Variants in AGAP1 observed in about 807,000 individuals in gnomAD.
The protein encoded by AGAP1 is arf-GAP with GTPase, ANK repeat and PH domain-containing protein 1.
A neutral mutation model predicts 105.3 loss-of-function variants in AGAP1; 29 were observed. That is an observed-to-expected ratio of 0.28 (90% CI 0.21 to 0.38). The LOEUF (loss-of-function observed/expected upper bound fraction) is 0.38, where lower values mean the gene tolerates loss of function less well. AGAP1 is among the 10% of genes least tolerant of loss of function. The pLI, the probability that AGAP1 is intolerant of heterozygous loss-of-function variation, is 1.00. For synonymous variants in AGAP1, 509 were observed against 485.9 expected (o/e 1.05, Z -0.63); for missense variants, 998 against 1,165.1 (o/e 0.86, Z 2.09).
At chr2:235,626,505 A>G (rs955589809) in intron 1 of AGAP1, among the ~76,000 whole-genome samples, 3 of 152,124 alleles carry the variant, frequency 2.0e-5, no homozygotes, top group East Asian at 1.9e-4. Flanking sequence ...TTAAAAGTAC[A>G]TATGTCTATA....
At chr2:235,683,034 G>A (rs1027004018) in intron 1 of AGAP1, among the ~76,000 whole-genome samples, 1 of 152,070 alleles carries the variant, frequency 6.6e-6, no homozygotes, top group African/African-American at 2.4e-5. Context: ...GGGCCGGTGC[G>A]GTGGCTTAAT....
chr2:235,709,601 CA>C (rs1351388531), intron 2 of AGAP1, among the ~76,000 whole-genome samples: 1 of 152,062 alleles, frequency 6.6e-6, no homozygotes, highest in East Asian at 1.9e-4. Flanking sequence ...CACACACACA[CA>C]CCCCCATGGA....
rs1369228039 is a variant in AGAP1 at position 235,690,230 on chromosome 2, A to G, written c.164-18949A>G. Among the ~76,000 whole-genome samples the G allele has an allele frequency of 1.3e-5, 2 of 152,008 alleles. No homozygotes were observed. The highest frequency in any genetic ancestry group is 2.9e-5 in the Non-Finnish European group (2 of 68,016). ...TACCACTCAGAGAACTTTAGTACAC[A>G]GTCTTAAACAACCCTGGAATGTTGA... is the stretch of plus-strand genomic sequence containing the variant. On this transcript the variant is annotated intron_variant, in intron 1 of 17. Coordinates refer to ENST00000304032, the MANE Select transcript of AGAP1 (RefSeq NM_001037131.3). The surrounding 1 kb of genome is among the most constrained non-coding windows in gnomAD (Gnocchi z 4.1).
In AGAP1 at chr2:236,124,131, C is replaced by T. The variant is rs1174238812; in HGVS notation, c.*9C>T. 11 of 1,611,266 alleles carry T rather than the reference C, an allele frequency of 6.8e-6. No homozygotes were observed. Among genetic ancestry groups the T allele is most frequent in the African/African-American group, 5.3e-5 (4 of 74,882 alleles). Reference sequence around the variant, plus strand: ...TGCCCACCATCATCTGAGGAACAGCCGTGCCCGCCTGCTCGCCGCACCTGG... The same window carrying T: ...TGCCCACCATCATCTGAGGAACAGCTGTGCCCGCCTGCTCGCCGCACCTGG... On this transcript the variant is annotated 3_prime_UTR_variant, in exon 18 of 18. Transcript: ENST00000304032. This position sits in a 1 kb window ranked among gnomAD's most constrained non-coding sequence, Gnocchi z 5.1.
intron 10 of AGAP1, among the ~76,000 whole-genome samples, chr2:235,899,710 AG>A (rs1410482873): frequency 6.6e-6 from 1 of 152,178 alleles, no homozygotes; most frequent in Non-Finnish European, 1.5e-5. Flanking sequence ...AGGACAGCAA[AG>A]GAATTGTGTT....
rs1953594304 is a variant in AGAP1 at position 235,753,090 on chromosome 2, T to G, written c.673+2602T>G. Among the ~76,000 whole-genome samples the G allele has an allele frequency of 6.6e-6, 1 of 152,184 alleles. No homozygotes were observed. Among genetic ancestry groups the G allele is most frequent in the African/African-American group, 2.4e-5 (1 of 41,452 alleles). ...GTCACCTGGCAGAGGCCCCACCTCT[T>G]ATTCCCCTGGGGGTCAGGATTTCAG... is the stretch of plus-strand genomic sequence containing the variant. On this transcript the variant is annotated intron_variant, in intron 6 of 17. Coordinates refer to ENST00000304032, the MANE Select transcript of AGAP1 (RefSeq NM_001037131.3). The surrounding 1 kb of genome is among the most constrained non-coding windows in gnomAD (Gnocchi z 4.5).
At chr2:235,890,639 T>G (rs1559613075) in intron 10 of AGAP1, among the ~76,000 whole-genome samples, 1 of 152,208 alleles carries the variant, frequency 6.6e-6, no homozygotes, top group Non-Finnish European at 1.5e-5. Flanking sequence ...AGCTTTCAGA[T>G]CACACAGAGG....
At chr2:235,645,656 G>A (rs1947357507) in intron 1 of AGAP1, among the ~76,000 whole-genome samples, 1 of 152,118 alleles carries the variant, frequency 6.6e-6, no homozygotes, top group African/African-American at 2.4e-5. Flanking sequence ...CCTTCCATGG[G>A]TCAGCACGCA....
chr2:236,056,792 A>C lies in AGAP1; in HGVS notation c.2114+7511A>C, dbSNP rs142970595. Among the ~76,000 whole-genome samples, 2 of 152,142 alleles carry C rather than the reference A, an allele frequency of 1.3e-5. No homozygotes were observed. Among genetic ancestry groups the C allele is most frequent in the Admixed American group, 6.5e-5 (1 of 15,272 alleles). On this transcript the variant is annotated intron_variant, in intron 16 of 17. Transcript: ENST00000304032. The surrounding 1 kb of genome is among the most constrained non-coding windows in gnomAD (Gnocchi z 4.6). ...TTATCCCCATTCCCAGACGTGTGCC[A>C]GGGTCACATGGGAGCGCAGGTCAGA... is the stretch of plus-strand genomic sequence containing the variant.
intron 1 of AGAP1, among the ~76,000 whole-genome samples, chr2:235,595,428 C>T (rs1945494453): frequency 6.6e-6 from 1 of 152,194 alleles, no homozygotes; most frequent in South Asian, 2.1e-4. Flanking sequence ...TCAGCTTACT[C>T]TCACTCCTGG....
intron 1 of AGAP1, among the ~76,000 whole-genome samples, chr2:235,528,280 G>T (rs1325003718): frequency 6.6e-6 from 1 of 151,864 alleles, no homozygotes; most frequent in Non-Finnish European, 1.5e-5. Context: ...GCCATGCCAG[G>T]CTGCTGGAGC....
chr2:235,553,993 T>A lies in AGAP1; in HGVS notation c.163+59144T>A, dbSNP rs527744569. Among the ~76,000 whole-genome samples the A allele has an allele frequency of 5.9e-5, 9 of 152,352 alleles. No individual in the cohort carries two copies. The South Asian group carries it at 1.9e-3, about 32-fold the overall frequency. On this transcript the variant is annotated intron_variant, in intron 1 of 17. Coordinates refer to ENST00000304032, the MANE Select transcript of AGAP1 (RefSeq NM_001037131.3). This position sits in a 1 kb window ranked among gnomAD's most constrained non-coding sequence, Gnocchi z 4.5. ...CCTTACTGGGTGGACAAAGGTTTTC[T>A]GTGTGACTCACCTCTGGCCAGAAAT...
At chr2:236,122,384 G>A (rs1410241349) in intron 17 of AGAP1, among the ~76,000 whole-genome samples, 2 of 152,056 alleles carry the variant, frequency 1.3e-5, no homozygotes, top group African/African-American at 4.8e-5. Context: ...GTGAATTGTT[G>A]GTGGGAGCGG....
rs545909352 is a variant in AGAP1, at chr2:235,923,737, C to T, written c.1325-7028C>T. Among the ~76,000 whole-genome samples, 7 of 152,290 alleles carry T rather than the reference C, an allele frequency of 4.6e-5. No homozygotes were observed. In the South Asian group the frequency reaches 1.5e-3, roughly 32 times the overall value. ...GCCGTGATGTACCTACAGTGATGGACAGTGCCGTCATTCCCAGCGTGGGGC... is the reference window on the plus strand; with the variant it reads ...GCCGTGATGTACCTACAGTGATGGATAGTGCCGTCATTCCCAGCGTGGGGC... On this transcript the variant is annotated intron_variant, in intron 11 of 17. Coordinates refer to ENST00000304032, the MANE Select transcript of AGAP1 (RefSeq NM_001037131.3).
intron 16 of AGAP1, among the ~76,000 whole-genome samples, chr2:236,111,354 ACAAAAAAAAAAATTATGCAGG>A (rs909070889): frequency 2.0e-5 from 3 of 150,358 alleles, no homozygotes; most frequent in African/African-American, 7.5e-5. Flanking sequence ...CCCTATCTCT[ACAAAAAAAAAAATTATGCAGG>A]CATGGTGGCA....
chr2:236,071,373 C>A (rs1004095614), intron 16 of AGAP1, among the ~76,000 whole-genome samples: 1 of 152,002 alleles, frequency 6.6e-6, no homozygotes, highest in Non-Finnish European at 1.5e-5. Context: ...CCAGCCACTC[C>A]TGGAAGGATT....
intron 1 of AGAP1, among the ~76,000 whole-genome samples, chr2:235,671,845 C>T (rs1948450022): frequency 6.6e-6 from 1 of 152,188 alleles, no homozygotes; most frequent in South Asian, 2.1e-4. Context: ...TTATTCTCTG[C>T]AGGAATCAGT....
rs190454846 is a variant in AGAP1 at position 235,879,891 on chromosome 2, A to T, written c.1051-3454A>T. On this transcript the variant is annotated intron_variant, in intron 9 of 17. Transcript: ENST00000304032. This position sits in a 1 kb window ranked among gnomAD's most constrained non-coding sequence, Gnocchi z 5.0. ...CAAGGTTGCAGTGAGCTGTAATTGC[A>T]TCAGTACACTGCACTCCAACCTGGG... Among the ~76,000 whole-genome samples the T allele has an allele frequency of 2.0e-3, 306 of 152,284 alleles. No individual in the cohort carries two copies. The highest frequency in any genetic ancestry group is 3.7e-3 in the Non-Finnish European group (249 of 68,032).
Position 235,994,817 on chromosome 2 carries a change from A to G in AGAP1, c.1645+26194A>G, listed in dbSNP as rs941351957. On this transcript the variant is annotated intron_variant, in intron 13 of 17. Coordinates refer to ENST00000304032, the MANE Select transcript of AGAP1 (RefSeq NM_001037131.3). This position sits in a 1 kb window ranked among gnomAD's most constrained non-coding sequence, Gnocchi z 4.4. ...CCCAATGGCTCACACCTGTAATCCT[A>G]GCACTTTGGGAGGCCGAGGCGGGCG... is the stretch of plus-strand genomic sequence containing the variant. 6.6e-6 allele frequency among the ~76,000 whole-genome samples: 1 copy of G among 151,452 alleles called. No individual in the cohort carries two copies. Among genetic ancestry groups the G allele is most frequent in the Non-Finnish European group, 1.5e-5 (1 of 67,848 alleles).
Sources: gnomAD v4.1 joint callset for allele counts (sites outside exome capture counted in the v4.1 genomes callset) on GRCh38, gnomAD v4.1.1 for gene constraint, Gnocchi (gnomAD v3.1) non-coding constraint, MANE v1.5 for transcripts, NCBI Gene and HGNC (gene_info 2026-07-23, HGNC 2026-07-21) for gene names.